MTHFS: variants seen among roughly 807,000 people sequenced by gnomAD.
The protein encoded by MTHFS is 5-formyltetrahydrofolate cyclo-ligase.
MTHFS carries 7 observed loss-of-function variants against 12.7 expected under a neutral mutation model. That is an observed-to-expected ratio of 0.55 (90% confidence interval 0.31 to 1.03). MTHFS has a LOEUF of 1.03. MTHFS is among the 50% of genes least tolerant of loss of function. The probability of loss-of-function intolerance (pLI) is 0.05; values close to 1 mark genes in which losing one functional copy is unlikely to be tolerated. For missense variants in MTHFS, 252 were observed against 258.1 expected, an observed-to-expected ratio of 0.98 and a Z score of 0.16; for synonymous variants, 100 against 97.1, an observed-to-expected ratio of 1.03 and a Z score of -0.18.
At chr15:79,897,140 C>G (rs1039870792), upstream of MTHFS, 1 of 633,590 alleles carries the variant, frequency 1.6e-6, no homozygotes, top group Middle Eastern at 4.6e-4. Flanking sequence ...GACGCGGGCC[C>G]GCGGCGCGCC....
intron 2 of MTHFS, among the ~76,000 whole-genome samples, chr15:79,886,226 C>T (rs771619968): frequency 1.3e-5 from 2 of 152,182 alleles, no homozygotes; most frequent in Non-Finnish European, 2.9e-5. Context: ...CCAACGACAG[C>T]CTGAGCTCTG....
chr15:79,896,416 A>C (rs1416711457), intron 1 of MTHFS, among the ~76,000 whole-genome samples: 3 of 152,146 alleles, frequency 2.0e-5, no homozygotes, highest in Non-Finnish European at 4.4e-5. Context: ...CATTTTACTA[A>C]TATAACCGGA....
intron 2 of MTHFS, among the ~76,000 whole-genome samples, chr15:79,862,888 A>G (rs1596068033): frequency 6.6e-6 from 1 of 152,180 alleles, no homozygotes; most frequent in Admixed American, 6.5e-5. Context: ...CCTGTTTGTA[A>G]TATCAGGGCA....
At chr15:79,871,574 C>A (rs2034106849) in intron 2 of MTHFS, among the ~76,000 whole-genome samples, 1 of 150,286 alleles carries the variant, frequency 6.7e-6, no homozygotes, top group Admixed American at 6.6e-5. Flanking sequence ...ACTTTATCTT[C>A]TTTCATTACC....
intron 1 of MTHFS, among the ~76,000 whole-genome samples, chr15:79,893,547 A>G (rs2034512833): frequency 6.6e-6 from 1 of 151,704 alleles, no homozygotes; most frequent in African/African-American, 2.4e-5. Context: ...AAATACAAAA[A>G]ATTAGTCGGG....
rs2033585912 is a variant in MTHFS at position 79,845,155 on chromosome 15, T to C, written c.*55A>G. On this transcript the variant is annotated 3_prime_UTR_variant, in exon 3 of 3. Coordinates refer to ENST00000258874, the MANE Select transcript of MTHFS (RefSeq NM_006441.4). Reference sequence around the variant, plus strand: ...ATTTTTGACAAGGGAAAAATACACATACTTTGCTTTACTCTCATATAAAAC... The same window carrying C: ...ATTTTTGACAAGGGAAAAATACACACACTTTGCTTTACTCTCATATAAAAC... The C allele has an allele frequency of 1.9e-6, 3 of 1,591,970 alleles. No homozygotes were observed. The highest frequency in any genetic ancestry group is 2.6e-6 in the Non-Finnish European group (3 of 1,166,438).
chr15:79,848,815 ATTTC>A (rs1387452434), intron 2 of MTHFS, among the ~76,000 whole-genome samples: 1 of 152,022 alleles, frequency 6.6e-6, no homozygotes, highest in Non-Finnish European at 1.5e-5. Context: ...TGGACAGAAA[ATTTC>A]TTTGAGGGCC....
At chr15:79,896,656 T>A in intron 1 of MTHFS, 1 of 844,316 alleles carries the variant, frequency 1.2e-6, no homozygotes, top group Non-Finnish European at 1.7e-6. Context: ...GCCCCACAAC[T>A]TTCACTACCG....
intron 2 of MTHFS, among the ~76,000 whole-genome samples, chr15:79,874,508 T>C (rs181456990): frequency 1.3e-5 from 2 of 152,280 alleles, no homozygotes; most frequent in East Asian, 1.9e-4. Flanking sequence ...AGGTGCATTG[T>C]CAGGTCTTAT....
chr15:79,865,992 C>T (rs1384426019), intron 2 of MTHFS, among the ~76,000 whole-genome samples: 1 of 152,064 alleles, frequency 6.6e-6, no homozygotes, highest in Non-Finnish European at 1.5e-5. Context: ...AAACCTAAAC[C>T]TCTTTAAGGT....
chr15:79,846,957 T>C (rs766148011), intron 2 of MTHFS, among the ~76,000 whole-genome samples: 14 of 152,218 alleles, frequency 9.2e-5, no homozygotes, highest in Non-Finnish European at 1.5e-4. Flanking sequence ...GTCTCTTCCC[T>C]TCATGAAATG....
Position 79,845,269 on chromosome 15 carries a change from C to G in MTHFS, c.553G>C (p.Val185Leu). Residue 185 changes from valine to leucine, a missense_variant, in exon 3 of 3, where the codon GTG becomes CTG. Physicochemically the swap from Val to Leu is conservative, Grantham distance 32 (BLOSUM62 1). Transcript: ENST00000258874. ...TCTACCTTCATGTCGTTTTCATTCA[C>G]TGGGACCTGGAGGCAAATCTGTTCT... ...FKEQICLQVP[V>L]NENDMKVDEV... The G allele has an allele frequency of 6.2e-7, 1 of 1,614,128 alleles. No individual in the cohort carries two copies. Among genetic ancestry groups the G allele is most frequent in the Non-Finnish European group, 8.5e-7 (1 of 1,180,048 alleles).
intron 1 of MTHFS, among the ~76,000 whole-genome samples, chr15:79,895,296 T>C (rs1265497415): frequency 2.0e-5 from 3 of 152,236 alleles, no homozygotes; most frequent in African/African-American, 7.2e-5. Context: ...AAAGAATTCA[T>C]CTTGTTCTCC....
At chr15:79,852,212 T>C (rs990214678) in intron 2 of MTHFS, among the ~76,000 whole-genome samples, 2 of 152,142 alleles carry the variant, frequency 1.3e-5, no homozygotes, top group African/African-American at 4.8e-5. Context: ...ATACCATATG[T>C]TTTGAACTCA....
At chr15:79,873,073 A>G (rs2034134026) in intron 2 of MTHFS, among the ~76,000 whole-genome samples, 1 of 152,180 alleles carries the variant, frequency 6.6e-6, no homozygotes, top group Non-Finnish European at 1.5e-5. Context: ...GAACAGCAAA[A>G]GAGGAAGCTC....
intron 1 of MTHFS, among the ~76,000 whole-genome samples, chr15:79,891,466 C>T (rs1202799813): frequency 6.6e-6 from 1 of 151,888 alleles, no homozygotes; most frequent in Non-Finnish European, 1.5e-5. Context: ...CAATAGACTG[C>T]TATGGGGAGG....
chr15:79,889,474 A>AAAAAAAC, intron 1 of MTHFS, 120 bp from the exon 2 acceptor site: 1 of 1,226,902 alleles, frequency 8.2e-7, no homozygotes, highest in Non-Finnish European at 1.1e-6. Flanking sequence ...AGAAAAAAAA[A>AAAAAAAC]GGGGGGGGGA....
chr15:79,848,663 A>G (rs2033661654), intron 2 of MTHFS, among the ~76,000 whole-genome samples: 1 of 152,206 alleles, frequency 6.6e-6, no homozygotes, highest in Admixed American at 6.5e-5. Context: ...TGAAACAGAG[A>G]TAAGAAAACA....
intron 2 of MTHFS, among the ~76,000 whole-genome samples, chr15:79,849,444 T>C (rs1372998877): frequency 6.6e-6 from 1 of 152,148 alleles, no homozygotes; most frequent in Non-Finnish European, 1.5e-5. Context: ...CTGGATGTTT[T>C]TCCTCCTCAA....
Sources: allele counts gnomAD v4.1 joint callset (sites outside exome capture counted in the v4.1 genomes callset), GRCh38; gene constraint gnomAD v4.1.1; transcripts MANE v1.5; gene names NCBI Gene and HGNC (gene_info 2026-07-23, HGNC 2026-07-21).